The following DMRT1 variants were observed in gnomAD, a reference collection of about 807,000 sequenced individuals.
DMRT1 encodes doublesex- and mab-3-related transcription factor 1.
In DMRT1, 7 loss-of-function variants were observed where a neutral mutation model predicts 32.3. The observed-to-expected ratio is 0.22, with a 90% confidence interval of 0.12 to 0.41. The LOEUF (loss-of-function observed/expected upper bound fraction) is 0.41, where lower values mean the gene tolerates loss of function less well. DMRT1 is among the 10% of genes least tolerant of loss of function. DMRT1 has a pLI of 1.00. For synonymous variants in DMRT1, 278 were observed against 206.1 expected, an observed-to-expected ratio of 1.35 and a Z score of -2.99; for missense variants, 625 against 500.5, an observed-to-expected ratio of 1.25 and a Z score of -2.37.
chr9:852,709 TTCCATCCACAC>T (rs1815207299), intron 2 of DMRT1, among the ~76,000 whole-genome samples: 1 of 152,216 alleles, frequency 6.6e-6, no homozygotes, highest in Middle Eastern at 3.2e-3. Flanking sequence ...CACCGGGGAC[TTCCATCCACAC>T]TCACATTCAC....
At chr9:955,397 G>T (rs1010645019) in intron 4 of DMRT1, among the ~76,000 whole-genome samples, 1 of 152,166 alleles carries the variant, frequency 6.6e-6, no homozygotes, top group African/African-American at 2.4e-5. Flanking sequence ...AGAAGGAAAA[G>T]ATTAGTATAA....
intron 4 of DMRT1, among the ~76,000 whole-genome samples, chr9:961,322 G>C (rs1357636963): frequency 2.0e-5 from 3 of 152,156 alleles, no homozygotes; most frequent in South Asian, 2.1e-4. Context: ...AGTAATTGTA[G>C]ATTAGGAACA....
chr9:874,334 T>C (rs564889577), intron 2 of DMRT1, among the ~76,000 whole-genome samples: 26 of 152,350 alleles, frequency 1.7e-4, no homozygotes, highest in African/African-American at 5.0e-4. Flanking sequence ...CTTCATCTAA[T>C]ATTTATACAG....
chr9:871,868 T>A lies in DMRT1; in HGVS notation c.539-22044T>A, dbSNP rs187200040. Among the ~76,000 whole-genome samples the A allele has an allele frequency of 7.8e-4, 118 of 151,492 alleles. 1 individual carries two copies. Among genetic ancestry groups the A allele is most frequent in the South Asian group, 6.0e-3 (29 of 4,826 alleles). On this transcript the variant is annotated intron_variant, in intron 2 of 4. Coordinates refer to ENST00000382276, the MANE Select transcript of DMRT1 (RefSeq NM_021951.3). ...CAAGGAGTCTGTGACCTAAAAAGTA[T>A]TAAGAACCACTGCTTTGAGTTTAAA... is the stretch of plus-strand genomic sequence containing the variant.
chr9:924,549 C>T (rs1350995937), intron 4 of DMRT1, among the ~76,000 whole-genome samples: 1 of 152,098 alleles, frequency 6.6e-6, no homozygotes, highest in African/African-American at 2.4e-5. Context: ...TCTGTTTTGG[C>T]AGGTGCCTGG....
chr9:856,301 C>A (rs1815398456), intron 2 of DMRT1, among the ~76,000 whole-genome samples: 1 of 152,154 alleles, frequency 6.6e-6, no homozygotes, highest in South Asian at 2.1e-4. Flanking sequence ...ATTCATTTGT[C>A]TCAAGTGTAC....
intron 3 of DMRT1, among the ~76,000 whole-genome samples, chr9:909,915 T>C (rs1489783152): frequency 3.9e-5 from 6 of 152,162 alleles, no homozygotes; most frequent in African/African-American, 1.2e-4. Flanking sequence ...AGTCTCACCA[T>C]GTTGCCCAGA....
At chr9:883,653 A>G (rs1217654239) in intron 2 of DMRT1, among the ~76,000 whole-genome samples, 2 of 151,520 alleles carry the variant, frequency 1.3e-5, no homozygotes, top group South Asian at 2.1e-4. Context: ...ATTGCCGTGT[A>G]TGGTGGCGTG....
At chr9:854,463 T>C (rs559778534) in intron 2 of DMRT1, among the ~76,000 whole-genome samples, 2 of 152,110 alleles carry the variant, frequency 1.3e-5, no homozygotes, top group East Asian at 3.9e-4. Flanking sequence ...TTTGTATTTT[T>C]AGTAGAGACA....
chr9:954,879 A>G (rs908147068), intron 4 of DMRT1, among the ~76,000 whole-genome samples: 5 of 152,078 alleles, frequency 3.3e-5, no homozygotes, highest in African/African-American at 1.2e-4. Context: ...TGACCTCGTG[A>G]TCTGCCTGCC....
At chr9:952,915 T>C (rs546704012) in intron 4 of DMRT1, among the ~76,000 whole-genome samples, 2 of 152,234 alleles carry the variant, frequency 1.3e-5, no homozygotes, top group Non-Finnish European at 2.9e-5. Context: ...TATATTCTTT[T>C]TTTGTTGATC....
intron 4 of DMRT1, among the ~76,000 whole-genome samples, chr9:929,778 T>C (rs922476186): frequency 1.3e-5 from 2 of 152,130 alleles, no homozygotes; most frequent in Non-Finnish European, 2.9e-5. Context: ...CAATATCTCT[T>C]TCCTTAAGTC....
At position 842,209 on chromosome 9, in the gene DMRT1, G is replaced by C. The variant is rs770230827; in HGVS notation, c.354+17G>C. On this transcript the variant is annotated intron_variant, in intron 1 of 4. Transcript: ENST00000382276. ...GCCGCGCAGGTGGGTGCGGGCGTGC[G>C]GGAGCCCGGGTTCAGCCTTAGTTTT... 3 of 1,532,326 alleles carry C rather than the reference G, an allele frequency of 2.0e-6. No individual in the cohort carries two copies. The highest frequency in any genetic ancestry group is 1.2e-5 in the South Asian group (1 of 83,966). 94.9% of individuals were successfully genotyped at this position (1,532,326 alleles called of 1,614,324 possible).
At position 929,897 on chromosome 9, in the gene DMRT1, A is replaced by AAG. The variant is rs1818653393; in HGVS notation, c.967+12991_967+12992dup. 5.3e-5 allele frequency among the ~76,000 whole-genome samples: 8 copies of AAG among 152,216 alleles called. 1 individual carries two copies. The South Asian group carries it at 1.7e-3, about 32-fold the overall frequency. On this transcript the variant is annotated intron_variant, in intron 4 of 4. Coordinates refer to ENST00000382276, the MANE Select transcript of DMRT1 (RefSeq NM_021951.3). Reference sequence around the variant, plus strand: ...TGCTCTGGGAGATGAACCATGAGAGAAGGCGTGGCTGCAGGGATAGTGAAA... The same window carrying AAG: ...TGCTCTGGGAGATGAACCATGAGAGAAGAGGCGTGGCTGCAGGGATAGTGAAA...
At chr9:885,640 C>T (rs1438396797) in intron 2 of DMRT1, among the ~76,000 whole-genome samples, 2 of 152,136 alleles carry the variant, frequency 1.3e-5, no homozygotes, top group African/African-American at 4.8e-5. Flanking sequence ...GCTAGGGTTT[C>T]AGGGGTTTTG....
At chr9:958,201 G>C (rs1384058497) in intron 4 of DMRT1, among the ~76,000 whole-genome samples, 1 of 152,104 alleles carries the variant, frequency 6.6e-6, no homozygotes, top group African/African-American at 2.4e-5. Flanking sequence ...GAGTCTCCCA[G>C]TAGTAAAGAG....
chr9:955,453 C>A (rs1305537378), intron 4 of DMRT1, among the ~76,000 whole-genome samples: 2 of 152,146 alleles, frequency 1.3e-5, no homozygotes, highest in Admixed American at 1.3e-4. Context: ...GCCTGTAATC[C>A]CAGCACTTTG....
At chr9:896,491 T>C (rs137871798) in intron 3 of DMRT1, among the ~76,000 whole-genome samples, 103 of 152,042 alleles carry the variant, frequency 6.8e-4, no homozygotes, top group Non-Finnish European at 1.2e-3. Context: ...CGGCAACCAC[T>C]GTTCTCTGAT....
chr9:888,934 C>A (rs1384105846), intron 2 of DMRT1, among the ~76,000 whole-genome samples: 1 of 150,632 alleles, frequency 6.6e-6, no homozygotes, highest in Admixed American at 6.6e-5. Context: ...TGAGACCAGC[C>A]TAGGCAACAT....
Sources: allele counts gnomAD v4.1 joint callset (sites outside exome capture counted in the v4.1 genomes callset), GRCh38; gene constraint gnomAD v4.1.1; transcripts MANE v1.5; gene names NCBI Gene and HGNC (gene_info 2026-07-23, HGNC 2026-07-21).